MYH9: variants seen among roughly 807,000 people sequenced by gnomAD.
MYH9 encodes the protein myosin heavy chain 9, also known as myosin-9.
MYH9 carries 29 observed loss-of-function variants against 241.9 expected under a neutral mutation model. The observed-to-expected ratio is 0.12, with a 90% CI of 0.09 to 0.16. The LOEUF (loss-of-function observed/expected upper bound fraction) is 0.16, where lower values mean the gene tolerates loss of function less well. MYH9 is among the 10% of genes least tolerant of loss of function. MYH9 has a pLI of 1.00. For synonymous variants in MYH9, 1,047 were observed against 1,062.6 expected (o/e 0.99, Z 0.29); for missense variants, 1,803 against 2,595.5 (o/e 0.69, Z 6.63).
At chr22:36,331,123 C>T (rs185731835) in intron 3 of MYH9, among the ~76,000 whole-genome samples, 77 of 152,306 alleles carry the variant, frequency 5.1e-4, no homozygotes, top group South Asian at 4.8e-3. Flanking sequence ...GAGGAAGCCA[C>T]AGCCGAGAGC....
At chr22:36,325,738 T>C (rs1053806470) in intron 5 of MYH9, among the ~76,000 whole-genome samples, 2 of 152,142 alleles carry the variant, frequency 1.3e-5, no homozygotes, top group African/African-American at 4.8e-5. Context: ...TGGTGCGCTG[T>C]GGGGAAATCT....
In MYH9 at chr22:36,305,019, G is replaced by A. The variant is rs1283957470; in HGVS notation, c.2229+14C>T. Reference sequence around the variant, plus strand: ...CTGCCCATCCAGAGAGGCAGGGACAGCAGCTCAACTCACCATGAGCACGCA... The same window carrying A: ...CTGCCCATCCAGAGAGGCAGGGACAACAGCTCAACTCACCATGAGCACGCA... On this transcript the variant is annotated intron_variant, in intron 18 of 40. Transcript: ENST00000216181. The surrounding 1 kb of genome is among the most constrained non-coding windows in gnomAD (Gnocchi z 4.7). The A allele has an allele frequency of 3.1e-6, 5 of 1,612,956 alleles. No homozygotes were observed. The highest frequency in any genetic ancestry group is 3.4e-6 in the Non-Finnish European group (4 of 1,179,232).
rs2016486147 is a variant in MYH9, at chr22:36,281,407, T to G, written c.*1261A>C. 8.8e-6 allele frequency: 2 copies of G among 228,486 alleles called. No individual in the cohort carries two copies. Among genetic ancestry groups the G allele is most frequent in the Non-Finnish European group, 1.7e-5 (2 of 114,844 alleles). 14.2% of individuals were successfully genotyped at this position (228,486 alleles called of 1,614,324 possible). A position where few individuals can be genotyped will look rare whatever the true frequency, so the allele number is the denominator to read the frequency against. ...ATAAAAAAGGGGGTAGGGTGGGAGT[T>G]TCACTCACTCCTTTGTGACAGCAAC... On this transcript the variant is annotated 3_prime_UTR_variant, in exon 41 of 41. Transcript: ENST00000216181.
intron 3 of MYH9, among the ~76,000 whole-genome samples, chr22:36,333,212 T>C (rs2017450220): frequency 6.6e-6 from 1 of 152,234 alleles, no homozygotes; most frequent in Admixed American, 6.5e-5. Flanking sequence ...AAACTCCTTT[T>C]GATGAGTCAA....
intron 15 of MYH9, chr22:36,308,796 G>A: frequency 1.3e-5 from 13 of 984,080 alleles, no homozygotes; most frequent in African/African-American, 1.7e-5. Context: ...CACCACTCGG[G>A]CGGCCAGTCA....
chr22:36,365,980 G>A (rs2018004341), intron 1 of MYH9, among the ~76,000 whole-genome samples: 1 of 152,094 alleles, frequency 6.6e-6, no homozygotes, highest in Admixed American at 6.5e-5. Flanking sequence ...CCTGAGGTCA[G>A]GAGTTCAAGA....
intron 24 of MYH9, among the ~76,000 whole-genome samples, chr22:36,297,701 T>C (rs965206015): frequency 1.3e-5 from 2 of 152,200 alleles, no homozygotes; most frequent in Non-Finnish European, 2.9e-5. Context: ...ACAACTTACT[T>C]ATGTACCCGT....
intron 1 of MYH9, among the ~76,000 whole-genome samples, chr22:36,351,120 G>C (rs1212791676): frequency 6.6e-6 from 1 of 152,202 alleles, no homozygotes; most frequent in African/African-American, 2.4e-5. Flanking sequence ...GCTCATTAGT[G>C]GTTTTCAGTC....
At chr22:36,343,799 C>T (rs553746104) in intron 2 of MYH9, among the ~76,000 whole-genome samples, 20 of 152,252 alleles carry the variant, frequency 1.3e-4, no homozygotes, top group South Asian at 1.2e-3. Flanking sequence ...TTTTCCTCTG[C>T]GTGAATGTTG....
In MYH9 at chr22:36,348,973, C is replaced by A; in HGVS notation, c.264G>T (p.Glu88Asp). Residue 88 changes from glutamate (E) to aspartate (D), a missense_variant, in exon 2 of 41, where the codon GAG becomes GAT. Glu to Asp is a conservative substitution (Grantham distance 45, BLOSUM62 2). Around this residue, in one of 11 missense-constraint regions of MYH9, gnomAD observed 72 missense variants for 134.3 expected, o/e 0.54. Transcript: ENST00000216181. ...PKFSKVEDMA[E>D]LTCLNEASVL... is the part of the protein sequence containing the mutation. ...CCGAGGCTTCGTTGAGGCACGTGAG[C>A]TCTGCCATGTCCTCCACCTTGGAGA... is the stretch of plus-strand genomic sequence containing the variant. 6.2e-7 allele frequency: 1 copy of A among 1,614,246 alleles called. No homozygotes were observed. The highest frequency in any genetic ancestry group is 8.5e-7 in the Non-Finnish European group (1 of 1,180,052).
chr22:36,341,808 G>C (rs1325761574), intron 2 of MYH9, among the ~76,000 whole-genome samples: 5 of 152,210 alleles, frequency 3.3e-5, no homozygotes, highest in African/African-American at 7.2e-5. Context: ...CACCAGGCAA[G>C]GTCCGCGGCC....
At chr22:36,325,834 T>C (rs1209535273) in intron 5 of MYH9, among the ~76,000 whole-genome samples, 1 of 152,126 alleles carries the variant, frequency 6.6e-6, no homozygotes, top group Admixed American at 6.5e-5. Flanking sequence ...GCACAGGAGG[T>C]CACTGTGTGC....
chr22:36,332,838 G>A (rs1055254248), intron 3 of MYH9, among the ~76,000 whole-genome samples: 1 of 152,092 alleles, frequency 6.6e-6, no homozygotes, highest in African/African-American at 2.4e-5. Flanking sequence ...GTTTCTGTGG[G>A]TGGGGCCAGG....
chr22:36,292,058 G>A lies in MYH9; in HGVS notation c.4272C>T (p.Asp1424=), dbSNP rs1397006934. 2 of 1,614,180 alleles carry A rather than the reference G, an allele frequency of 1.2e-6. No individual in the cohort carries two copies. Among genetic ancestry groups the A allele is most frequent in the Non-Finnish European group, 8.5e-7 (1 of 1,180,040 alleles). ...TKTRLQQELD[D]LLVDLDHQRQ... ...GCTGGTGGTCCAGGTCCACCAGCAG[G>A]TCGTCCAGCTCCTGCTGCAGCCGCG... Residue 1424 remains aspartate (D), a synonymous_variant, in exon 31 of 41, where the codon GAC becomes GAT. Transcript: ENST00000216181.
In MYH9 at chr22:36,293,014, G is replaced by T. The variant is rs1325330285; in HGVS notation, c.4095+315C>A. On this transcript the variant is annotated intron_variant, in intron 30 of 40. Transcript: ENST00000216181. This position sits in a 1 kb window ranked among gnomAD's most constrained non-coding sequence, Gnocchi z 5.1. ...AGGGTAACTGGCCATTTCTACAGAT[G>T]ATGACGGCACAGGGACTGCCACCAC... 1.3e-5 allele frequency among the ~76,000 whole-genome samples: 2 copies of T among 152,242 alleles called. No homozygotes were observed. The highest frequency in any genetic ancestry group is 2.4e-5 in the African/African-American group (1 of 41,464).
Position 36,295,658 on chromosome 22 carries a change from G to C in MYH9, c.3332C>G (p.Ser1111Cys). 2 of 1,613,914 alleles carry C rather than the reference G, an allele frequency of 1.2e-6. No individual in the cohort carries two copies. Among genetic ancestry groups the C allele is most frequent in the East Asian group, 4.5e-5 (2 of 44,882 alleles). ...GTCTTCCTGGAGTTCAGAGATCTGA[G>C]ATTCCAGCTCCCGGATCTTCTTGAG... ...MALKKIRELESQISELQEDLE... is the reference protein window; with the variant it reads ...MALKKIRELECQISELQEDLE... The change falls in exon 26 of 41, where the codon TCT becomes TGT. Residue 1111 changes from serine (S) to cysteine (C), a missense_variant. Physicochemically the swap from Ser to Cys is moderately radical, Grantham distance 112. Around this residue, in one of 11 missense-constraint regions of MYH9, gnomAD observed 290 missense variants for 360.5 expected, o/e 0.80. Coordinates refer to ENST00000216181, the MANE Select transcript of MYH9 (RefSeq NM_002473.6). The surrounding 1 kb of genome is among the most constrained non-coding windows in gnomAD (Gnocchi z 4.1).
chr22:36,302,263 G>C, intron 20 of MYH9: 1 of 343,810 alleles, frequency 2.9e-6, no homozygotes, highest in South Asian at 2.7e-5. Flanking sequence ...ATACACAAAA[G>C]CAGCCCGGAC....
intron 13 of MYH9, 67 bp downstream of exon 13, chr22:36,314,078 A>T (rs2017111427): frequency 6.5e-7 from 1 of 1,542,384 alleles, no homozygotes; most frequent in African/African-American, 1.4e-5. Flanking sequence ...AGCTGAGGTG[A>T]GGAGCGGGTG....
chr22:36,363,354 CTTGTTGAAAATAACTGAA>C (rs1252112351), intron 1 of MYH9, among the ~76,000 whole-genome samples: 1 of 152,156 alleles, frequency 6.6e-6, no homozygotes. Context: ...AGCATCAATG[CTTGTTGAAAATAACTGAA>C]TTGTTGAAAA....
Sources: allele counts gnomAD v4.1 joint callset (sites outside exome capture counted in the v4.1 genomes callset), GRCh38; gene constraint gnomAD v4.1.1; regional missense constraint gnomAD v4.1.1; non-coding constraint Gnocchi (gnomAD v3.1); transcripts MANE v1.5; gene names NCBI Gene and HGNC (gene_info 2026-07-23, HGNC 2026-07-21).